Variants in SUMF1 observed in about 807,000 individuals in gnomAD.
The protein encoded by SUMF1 is sulfatase modifying factor 1, also known as formylglycine-generating enzyme.
In SUMF1, 48 loss-of-function variants were observed where a neutral mutation model predicts 47.6. The ratio of observed to expected loss-of-function variants is 1.01; its 90% CI spans 0.80 to 1.28. SUMF1 has a LOEUF of 1.28. SUMF1 is among the 50% of genes most tolerant of loss of function. SUMF1 has a pLI of 0.00. For synonymous variants in SUMF1, 230 were observed against 192.1 expected (o/e 1.20, Z -1.63); for missense variants, 571 against 485.4 (o/e 1.18, Z -1.66).
At chr3:4,110,751 C>A (rs1322139061) in intron 8 of SUMF1, among the ~76,000 whole-genome samples, 1 of 149,306 alleles carries the variant, frequency 6.7e-6, no homozygotes, top group African/African-American at 2.5e-5. Context: ...GGACAAAAAA[C>A]CAAACACCGC....
intron 8 of SUMF1, among the ~76,000 whole-genome samples, chr3:4,294,974 T>C (rs1697820235): frequency 6.6e-6 from 1 of 152,208 alleles, no homozygotes; most frequent in Non-Finnish European, 1.5e-5. Context: ...ACATTCACAC[T>C]TACTGAGATA....
At position 4,456,635 on chromosome 3, in the gene SUMF1, C is replaced by CGTGTGTATATATATGTGT. The variant is rs1559311987; in HGVS notation, c.271-3587_271-3586insACACATATATATACACAC. Among the ~76,000 whole-genome samples, 56 of 111,824 alleles carry CGTGTGTATATATATGTGT rather than the reference C, an allele frequency of 5.0e-4. 1 individual carries two copies. Among genetic ancestry groups the CGTGTGTATATATATGTGT allele is most frequent in the African/African-American group, 1.6e-3 (47 of 29,712 alleles). 73.4% of individuals were successfully genotyped at this position (111,824 alleles called of 152,430 possible). On this transcript the variant is annotated intron_variant, in intron 1 of 8. Transcript: ENST00000272902. ...CCAGGCTAATATATATATATATATA[C>CGTGTGTATATATATGTGT]GTGTATATATATATATGTGTGTGTA... is the stretch of plus-strand genomic sequence containing the variant.
At chr3:4,146,985 C>A (rs917619047) in intron 8 of SUMF1, among the ~76,000 whole-genome samples, 1 of 152,082 alleles carries the variant, frequency 6.6e-6, no homozygotes, top group Non-Finnish European at 1.5e-5. Context: ...TGAATACAAA[C>A]AACCCCATCA....
intron 8 of SUMF1, among the ~76,000 whole-genome samples, chr3:4,110,344 G>A (rs144316187): frequency 0.044 from 6,730 of 152,144 alleles, 249 homozygotes; most frequent in African/African-American, 0.093. Flanking sequence ...ACTGGGGGAT[G>A]CCTCCTAGTT....
intron 8 of SUMF1, among the ~76,000 whole-genome samples, chr3:4,083,112 C>T (rs1692601794): frequency 6.6e-6 from 1 of 152,138 alleles, no homozygotes; most frequent in African/African-American, 2.4e-5. Flanking sequence ...TAAACATGCC[C>T]AGACTGAAAA....
At chr3:4,237,735 G>T (rs1365549907) in intron 8 of SUMF1, among the ~76,000 whole-genome samples, 1 of 151,932 alleles carries the variant, frequency 6.6e-6, no homozygotes, top group Non-Finnish European at 1.5e-5. Flanking sequence ...TAAATTTTCA[G>T]TCATATTTTA....
chr3:4,298,785 T>C (rs1697908933), intron 8 of SUMF1, among the ~76,000 whole-genome samples: 1 of 152,234 alleles, frequency 6.6e-6, no homozygotes, highest in Non-Finnish European at 1.5e-5. Context: ...CAAACTTTTC[T>C]TAAAATGAAT....
intron 8 of SUMF1, among the ~76,000 whole-genome samples, chr3:4,364,064 G>A (rs1243478115): frequency 1.5e-5 from 2 of 133,330 alleles, no homozygotes; most frequent in African/African-American, 5.4e-5. Flanking sequence ...TTGCATCCCA[G>A]GGATGAAGCC....
In SUMF1 at chr3:4,459,303, AATT is replaced by A. The variant is rs201304602; in HGVS notation, c.271-6257_271-6255del. ...TCAAAACATCACGTTGTACCCCACA[AATT>A]ATTATAAAATTATTTGTCAATTAAA... is the stretch of plus-strand genomic sequence containing the variant. On this transcript the variant is annotated intron_variant, in intron 1 of 8. Coordinates refer to ENST00000272902, the MANE Select transcript of SUMF1 (RefSeq NM_182760.4). Among the ~76,000 whole-genome samples the A allele has an allele frequency of 6.7e-3, 1,016 of 152,306 alleles. 10 individuals carry two copies. Among genetic ancestry groups the A allele is most frequent in the African/African-American group, 0.023 (972 of 41,556 alleles).
intron 8 of SUMF1, among the ~76,000 whole-genome samples, chr3:4,328,984 G>A (rs1299103833): frequency 2.0e-5 from 3 of 152,158 alleles, no homozygotes; most frequent in Non-Finnish European, 2.9e-5. Flanking sequence ...AATCCAGCAG[G>A]GCAGCCAAAT....
intron 8 of SUMF1, among the ~76,000 whole-genome samples, chr3:4,366,990 C>A (rs940096828): frequency 1.3e-5 from 2 of 152,130 alleles, no homozygotes; most frequent in African/African-American, 2.4e-5. Context: ...CACTCCAGAC[C>A]CTGTTTGCCT....
intron 8 of SUMF1, among the ~76,000 whole-genome samples, chr3:4,342,962 G>A (rs1031878405): frequency 5.9e-5 from 9 of 152,214 alleles, no homozygotes; most frequent in African/African-American, 2.2e-4. Flanking sequence ...GCTCCCAAGG[G>A]ATAAAAAAGC....
At chr3:4,088,916 T>C (rs1226974542) in intron 8 of SUMF1, among the ~76,000 whole-genome samples, 2 of 152,002 alleles carry the variant, frequency 1.3e-5, no homozygotes, top group African/African-American at 2.4e-5. Context: ...TTAGAATGAA[T>C]GAATATATGG....
intron 8 of SUMF1, among the ~76,000 whole-genome samples, chr3:4,179,922 A>G (rs1258231511): frequency 1.3e-5 from 2 of 152,342 alleles, no homozygotes; most frequent in African/African-American, 4.8e-5. Flanking sequence ...ACATCTATGC[A>G]GCCAAAAGAC....
rs189136790 is a variant in SUMF1, at chr3:4,071,853, C to T, written c.1015-3108G>A. On this transcript the variant is annotated intron_variant and NMD_transcript_variant, in intron 8 of 12. Transcript: ENST00000448413. ...GGGACAGAGCACCTGAGGGAAGGGG[C>T]AGCTGTGGGCACAGCTTCTGCAGAC... Among the ~76,000 whole-genome samples, 503 of 152,312 alleles carry T rather than the reference C, an allele frequency of 3.3e-3. 2 individuals are homozygous for T. Among genetic ancestry groups the T allele is most frequent in the Non-Finnish European group, 5.7e-3 (389 of 68,018 alleles).
chr3:4,313,101 C>G (rs1698480939), intron 8 of SUMF1: 16 of 1,614,002 alleles, frequency 9.9e-6, no homozygotes, highest in Non-Finnish European at 1.4e-5. Context: ...AATGCAATGT[C>G]CTGTGCCGAT....
At chr3:4,358,523 C>T (rs1247481987), downstream of SUMF1, among the ~76,000 whole-genome samples, 3 of 152,200 alleles carry the variant, frequency 2.0e-5, no homozygotes, top group Non-Finnish European at 4.4e-5. Context: ...TGTTGGATCA[C>T]ATGTGGTTTA....
At chr3:4,279,367 A>G (rs9867322) in intron 8 of SUMF1, among the ~76,000 whole-genome samples, 72 of 152,306 alleles carry the variant, frequency 4.7e-4, no homozygotes, top group Middle Eastern at 6.8e-3. Flanking sequence ...ATGGGTTTTT[A>G]CTAGCTAAAA....
At chr3:4,051,360 G>C (rs1695107924) in intron 9 of SUMF1, among the ~76,000 whole-genome samples, 1 of 152,042 alleles carries the variant, frequency 6.6e-6, no homozygotes, top group Non-Finnish European at 1.5e-5. Context: ...TTGTAACTAA[G>C]TCACAGGACA....
Sources: allele counts gnomAD v4.1 joint callset (sites outside exome capture counted in the v4.1 genomes callset), GRCh38; gene constraint gnomAD v4.1.1; transcripts MANE v1.5; gene names NCBI Gene and HGNC (gene_info 2026-07-23, HGNC 2026-07-21).